The following COL7A1 variants were observed in gnomAD, a reference collection of about 807,000 sequenced individuals.
COL7A1 encodes the protein collagen alpha-1(VII) chain.
Under a neutral mutation model 456.2 loss-of-function variants are expected in COL7A1, and 296 were observed. The observed-to-expected ratio is 0.65, with a 90% CI of 0.59 to 0.71. The LOEUF (loss-of-function observed/expected upper bound fraction) is 0.71. Ranked by LOEUF, COL7A1 falls within the 30% of genes least tolerant of loss-of-function variation. The pLI, the probability that COL7A1 is intolerant of heterozygous loss-of-function variation, is 0.00. For synonymous variants in COL7A1, 1,464 were observed against 1,525.9 expected, an observed-to-expected ratio of 0.96 and a Z score of 0.95; for missense variants, 3,441 against 4,017.2, an observed-to-expected ratio of 0.86 and a Z score of 3.88.
At position 48,585,332 on chromosome 3, in the gene COL7A1, T is replaced by C. The variant is rs936346678; in HGVS notation, c.3895-216A>G. On this transcript the variant is annotated intron_variant, in intron 32 of 118. Coordinates refer to ENST00000681320, the MANE Select transcript of COL7A1 (RefSeq NM_000094.4). The surrounding 1 kb of genome is among the most constrained non-coding windows in gnomAD (Gnocchi z 4.5). ...CGACAAGGCAGAGGGCTTCCCTGCC[T>C]CTGGGACTTGGAGCTGCTGCTCAGG... Among the ~76,000 whole-genome samples, 21 of 152,166 alleles carry C rather than the reference T, an allele frequency of 1.4e-4. No homozygotes were observed. The highest frequency in any genetic ancestry group is 4.8e-4 in the African/African-American group (20 of 41,432).
In COL7A1 at chr3:48,585,476, G is replaced by T; in HGVS notation, c.3894+81C>A. The T allele has an allele frequency of 1.4e-6, 2 of 1,465,970 alleles. No individual in the cohort carries two copies. The highest frequency in any genetic ancestry group is 9.5e-7 in the Non-Finnish European group (1 of 1,048,624). 90.8% of individuals were successfully genotyped at this position (1,465,970 alleles called of 1,614,324 possible). The stretch of plus-strand genomic sequence containing the variant: ...AGGAATTCCCGATGATTCTAACTCT[G>T]CTTCTTCCTTCTCTCTTGTAAAAAC... On this transcript the variant is annotated intron_variant, in intron 32 of 118. Transcript: ENST00000681320. The surrounding 1 kb of genome is among the most constrained non-coding windows in gnomAD (Gnocchi z 4.5).
intron 1 of COL7A1, 30 bp from the exon 2 acceptor site, chr3:48,595,190 C>T: frequency 1.3e-6 from 2 of 1,534,066 alleles, no homozygotes; most frequent in South Asian, 1.2e-5. Flanking sequence ...AGCTAGGACC[C>T]CCGCCTCTGT....
rs2043988746 is a variant in COL7A1 at position 48,572,412 on chromosome 3, C to CA, written c.6945dup (p.Gly2316TrpfsTer10). 1 of 1,614,028 alleles carries CA rather than the reference C, an allele frequency of 6.2e-7. No homozygotes were observed. The highest frequency in any genetic ancestry group is 8.5e-7 in the Non-Finnish European group (1 of 1,180,010). On this transcript the variant is annotated frameshift_variant, in exon 90 of 119. Transcript: ENST00000681320. LOFTEE classifies it high-confidence loss of function. The surrounding 1 kb of genome is among the most constrained non-coding windows in gnomAD (Gnocchi z 4.6). ...CCCACCAGGTCTCCAGCAAGGCCTC[C>CA]AGGGGCTCCCTGGTAAGGGGGAGAG...
Position 48,568,718 on chromosome 3 carries a change from G to A in COL7A1, c.7758+66C>T. 6.6e-7 allele frequency: 1 copy of A among 1,521,404 alleles called. No individual in the cohort carries two copies. The highest frequency in any genetic ancestry group is 8.9e-7 in the Non-Finnish European group (1 of 1,120,490). 94.2% of individuals were successfully genotyped at this position (1,521,404 alleles called of 1,614,324 possible). A position where few individuals can be genotyped will look rare whatever the true frequency, so the allele number is the denominator to read the frequency against. On this transcript the variant is annotated intron_variant, in intron 104 of 118. Coordinates refer to ENST00000681320, the MANE Select transcript of COL7A1 (RefSeq NM_000094.4). The surrounding 1 kb of genome is among the most constrained non-coding windows in gnomAD (Gnocchi z 5.2). ...CCCCCAGCACTTAAGAGGACCCCCA[G>A]GATATGTGTGTGTGTGATGCTGGCT...
chr3:48,593,301 GCTCT>G lies in COL7A1; in HGVS notation c.521-42_521-39del, dbSNP rs1165758321. 6.2e-7 allele frequency: 1 copy of G among 1,613,996 alleles called. No homozygotes were observed. Among genetic ancestry groups the G allele is most frequent in the Non-Finnish European group, 8.5e-7 (1 of 1,179,982 alleles). ...CCCATCAGGACTCAGTCACCCACAT[GCTCT>G]CTGACTGCCCCCACCCCCCAGCTGA... On this transcript the variant is annotated intron_variant, in intron 5 of 118. Coordinates refer to ENST00000681320, the MANE Select transcript of COL7A1 (RefSeq NM_000094.4). The surrounding 1 kb of genome is among the most constrained non-coding windows in gnomAD (Gnocchi z 4.4).
In COL7A1 at chr3:48,574,870, AAACAC is replaced by A; in HGVS notation, c.6280-10_6280-6del. 6.2e-7 allele frequency: 1 copy of A among 1,613,714 alleles called. No homozygotes were observed. Among genetic ancestry groups the A allele is most frequent in the Non-Finnish European group, 8.5e-7 (1 of 1,179,918 alleles). On this transcript the variant is annotated splice_polypyrimidine_tract_variant and splice_region_variant and intron_variant, in intron 76 of 118. Transcript: ENST00000681320. This position sits in a 1 kb window ranked among gnomAD's most constrained non-coding sequence, Gnocchi z 5.0. ...ACCTGGCTCATCCACAGACACCTAC[AAACAC>A]AAGGTCACAGGGGAGAGATGTCTCT...
rs760133967 is a variant in COL7A1 at position 48,572,623 on chromosome 3, G to A, written c.6900+48C>T. The A allele has an allele frequency of 1.2e-6, 2 of 1,603,754 alleles. No homozygotes were observed. Among genetic ancestry groups the A allele is most frequent in the Non-Finnish European group, 1.7e-6 (2 of 1,174,650 alleles). ...GGCATTTGGAAACAGGCTTGTGGGT[G>A]AGGCAGAGGAGTTGCTGCAGGGGGT... On this transcript the variant is annotated intron_variant, in intron 88 of 118. Coordinates refer to ENST00000681320, the MANE Select transcript of COL7A1 (RefSeq NM_000094.4). This position sits in a 1 kb window ranked among gnomAD's most constrained non-coding sequence, Gnocchi z 4.6.
chr3:48,583,148 G>A lies in COL7A1; in HGVS notation c.4461C>T (p.Pro1487=). The A allele has an allele frequency of 6.2e-7, 1 of 1,613,916 alleles. No individual in the cohort carries two copies. The highest frequency in any genetic ancestry group is 8.5e-7 in the Non-Finnish European group (1 of 1,179,996). ...GPKGDRGFPG[P]LGEAGEKGER... ...TTACCTTCTCTCCAGCCTCACCCAG[G>A]GGCCCTGGAAAGCCCCGGTCACCCT... The change falls in exon 43 of 119, where the codon CCC becomes CCT. Residue 1487 remains proline (P), a synonymous_variant. Coordinates refer to ENST00000681320, the MANE Select transcript of COL7A1 (RefSeq NM_000094.4). This position sits in a 1 kb window ranked among gnomAD's most constrained non-coding sequence, Gnocchi z 5.1.
chr3:48,585,228 T>G lies in COL7A1; in HGVS notation c.3895-112A>C. The G allele has an allele frequency of 1.9e-6, 2 of 1,043,578 alleles. No individual in the cohort carries two copies. The highest frequency in any genetic ancestry group is 2.9e-6 in the Non-Finnish European group (2 of 699,694). 64.6% of individuals were successfully genotyped at this position (1,043,578 alleles called of 1,614,324 possible). A position where few individuals can be genotyped will look rare whatever the true frequency, so the allele number is the denominator to read the frequency against. On this transcript the variant is annotated intron_variant, in intron 32 of 118. Transcript: ENST00000681320. The surrounding 1 kb of genome is among the most constrained non-coding windows in gnomAD (Gnocchi z 4.5). ...GTCGCCTACCCCACTGACCCCCAAG[T>G]GTTATTGGGGGTGGAACAGTGAGGC...
At position 48,578,222 on chromosome 3, in the gene COL7A1, G is replaced by T; in HGVS notation, c.5532+99C>A. ...TGTATGTCTGGGCCAGGATGCATGT[G>T]TCTACACGTGTGCCTCATGTGTTGC... is the stretch of plus-strand genomic sequence containing the variant. On this transcript the variant is annotated intron_variant, in intron 65 of 118. Coordinates refer to ENST00000681320, the MANE Select transcript of COL7A1 (RefSeq NM_000094.4). This position sits in a 1 kb window ranked among gnomAD's most constrained non-coding sequence, Gnocchi z 4.7. The T allele has an allele frequency of 1.5e-6, 2 of 1,376,740 alleles. No individual in the cohort carries two copies. The highest frequency in any genetic ancestry group is 2.0e-6 in the Non-Finnish European group (2 of 975,954). 85.3% of individuals were successfully genotyped at this position (1,376,740 alleles called of 1,614,324 possible).
At position 48,581,201 on chromosome 3, in the gene COL7A1, A is replaced by G; in HGVS notation, c.4900-44T>C. On this transcript the variant is annotated intron_variant, in intron 52 of 118. Coordinates refer to ENST00000681320, the MANE Select transcript of COL7A1 (RefSeq NM_000094.4). This position sits in a 1 kb window ranked among gnomAD's most constrained non-coding sequence, Gnocchi z 5.8. ...AGCCCTGGTTCCAAGAACCCCCATG[A>G]TGCTGGCAACAGCCCTACTCCCTTA... 6.2e-7 allele frequency: 1 copy of G among 1,612,156 alleles called. No homozygotes were observed. Among genetic ancestry groups the G allele is most frequent in the Non-Finnish European group, 8.5e-7 (1 of 1,179,234 alleles).
chr3:48,567,501 C>A lies in COL7A1; in HGVS notation c.8046+73G>T. The A allele has an allele frequency of 1.3e-6, 2 of 1,599,722 alleles. No individual in the cohort carries two copies. The highest frequency in any genetic ancestry group is 1.7e-6 in the Non-Finnish European group (2 of 1,167,070). On this transcript the variant is annotated intron_variant, in intron 109 of 118. Transcript: ENST00000681320. This position sits in a 1 kb window ranked among gnomAD's most constrained non-coding sequence, Gnocchi z 4.3. ...CTACAGCCTTCCTTGTCCCTACACC[C>A]CCATGACCCGACCATGAGCTTCCCT...
At position 48,570,979 on chromosome 3, in the gene COL7A1, A is replaced by G. The variant is rs1435438728; in HGVS notation, c.7165-11T>C. 1 of 1,613,206 alleles carries G rather than the reference A, an allele frequency of 6.2e-7. No individual in the cohort carries two copies. Among genetic ancestry groups the G allele is most frequent in the Admixed American group, 1.7e-5 (1 of 59,856 alleles). Reference sequence around the variant, plus strand: ...GAGGCCCAGATCTCCCTGAAATAAAAACAGCAAAGGGAGGGAATGGTCAAT... The same window carrying G: ...GAGGCCCAGATCTCCCTGAAATAAAGACAGCAAAGGGAGGGAATGGTCAAT... On this transcript the variant is annotated splice_polypyrimidine_tract_variant and intron_variant, in intron 94 of 118. Transcript: ENST00000681320. The surrounding 1 kb of genome is among the most constrained non-coding windows in gnomAD (Gnocchi z 5.5).
rs1290336722 is a variant in COL7A1 at position 48,570,745 on chromosome 3, G to A, written c.7273-35C>T. On this transcript the variant is annotated intron_variant, in intron 95 of 118. Coordinates refer to ENST00000681320, the MANE Select transcript of COL7A1 (RefSeq NM_000094.4). This position sits in a 1 kb window ranked among gnomAD's most constrained non-coding sequence, Gnocchi z 5.5. ...AAATGGGGCAAGAGAGGCAGAGAGT[G>A]ACTTGGGAACCCTCCTACCCTCTGC... 1 of 1,559,802 alleles carries A rather than the reference G, an allele frequency of 6.4e-7. No homozygotes were observed. Among genetic ancestry groups the A allele is most frequent in the Admixed American group, 1.9e-5 (1 of 52,526 alleles).
In COL7A1 at chr3:48,564,779, A is replaced by C. The variant is rs866959368; in HGVS notation, c.8818+4T>G. The C allele has an allele frequency of 9.9e-6, 16 of 1,613,218 alleles. No homozygotes were observed. The Middle Eastern group carries it at 4.9e-4, about 50-fold the overall frequency. ...GTTCCCCACGGTGGGGGCTCAGCCC[A>C]TACCTGTCCCCTGGCTCTGGACCAC... On this transcript the variant is annotated splice_donor_region_variant and intron_variant, in intron 118 of 118. Transcript: ENST00000681320. The surrounding 1 kb of genome is among the most constrained non-coding windows in gnomAD (Gnocchi z 6.0).
chr3:48,567,337 C>A lies in COL7A1; in HGVS notation c.8047-147G>T. The A allele has an allele frequency of 9.5e-7, 1 of 1,050,016 alleles. No individual in the cohort carries two copies. Among genetic ancestry groups the A allele is most frequent in the Non-Finnish European group, 1.4e-6 (1 of 695,974 alleles). The allele number at this position is 1,050,016 out of a possible 1,614,324, so 65.0% of individuals were successfully genotyped here. ...AGCCAACCAGATGTGATCCCCATGA[C>A]TCCAACTCCACTATAGCCCCCTGCC... is the stretch of plus-strand genomic sequence containing the variant. On this transcript the variant is annotated intron_variant, in intron 109 of 118. Coordinates refer to ENST00000681320, the MANE Select transcript of COL7A1 (RefSeq NM_000094.4). This position sits in a 1 kb window ranked among gnomAD's most constrained non-coding sequence, Gnocchi z 4.3.
Position 48,570,518 on chromosome 3 carries a change from G to T in COL7A1, c.7345-18C>A, listed in dbSNP as rs200797171. 6.2e-7 allele frequency: 1 copy of T among 1,614,016 alleles called. No individual in the cohort carries two copies. Among genetic ancestry groups the T allele is most frequent in the South Asian group, 1.1e-5 (1 of 91,086 alleles). ...GGTGGTCCCTGTAGGTCAGAGTGAG[G>T]TGAGGGTCCTGTGGCTCTCAAAGCG... On this transcript the variant is annotated intron_variant, in intron 96 of 118. Coordinates refer to ENST00000681320, the MANE Select transcript of COL7A1 (RefSeq NM_000094.4). This position sits in a 1 kb window ranked among gnomAD's most constrained non-coding sequence, Gnocchi z 5.5.
In COL7A1 at chr3:48,586,175, C is replaced by T; in HGVS notation, c.3622G>A (p.Asp1208Asn). ...EQLRRLAPGMDSVQTFFAVDD... is the reference protein window; with the variant it reads ...EQLRRLAPGMNSVQTFFAVDD... ...ACGGCGAAGAAGGTCTGGACAGAGT[C>T]CATACCCGGCGCCAAGCGACGCAGC... The change falls in exon 28 of 119, where the codon GAC becomes AAC. Residue 1208 changes from aspartate (D) to asparagine (N), a missense_variant. Transcript: ENST00000681320. This position sits in a 1 kb window ranked among gnomAD's most constrained non-coding sequence, Gnocchi z 5.1. 4 of 1,613,382 alleles carry T rather than the reference C, an allele frequency of 2.5e-6. No individual in the cohort carries two copies. Among genetic ancestry groups the T allele is most frequent in the Non-Finnish European group, 3.4e-6 (4 of 1,180,032 alleles).
rs1398156343 is a variant in COL7A1 at position 48,583,740 on chromosome 3, G to A, written c.4319C>T (p.Pro1440Leu). 4.3e-6 allele frequency: 7 copies of A among 1,614,020 alleles called. No homozygotes were observed. The highest frequency in any genetic ancestry group is 1.6e-4 in the Middle Eastern group (1 of 6,062). The change falls in exon 40 of 119, where the codon CCC (proline) becomes CTC (leucine). Residue 1440 changes from proline to leucine, a missense_variant. This residue lies in a region of COL7A1 where 2,084 missense variants were observed against 2,501.3 expected (regional missense o/e 0.83). Coordinates refer to ENST00000681320, the MANE Select transcript of COL7A1 (RefSeq NM_000094.4). The surrounding 1 kb of genome is among the most constrained non-coding windows in gnomAD (Gnocchi z 5.1). ...TACTTTTTCTCCTTTCTTTCCAGGG[G>A]GGCCAACGGGGCCTTGGGGTCCAGG... ...GSPGPQGPVG[P>L]PGKKGEKGDS... is the part of the protein sequence containing the mutation.
Sources: gnomAD v4.1 joint callset for allele counts (sites outside exome capture counted in the v4.1 genomes callset) on GRCh38, gnomAD v4.1.1 for gene constraint, gnomAD v4.1.1 regional missense constraint, Gnocchi (gnomAD v3.1) non-coding constraint, MANE v1.5 for transcripts, NCBI Gene and HGNC (gene_info 2026-07-23, HGNC 2026-07-21) for gene names.